Variants in EFCAB5 observed in about 807,000 individuals in gnomAD.
EFCAB5 encodes EF-hand calcium binding domain 5, also known as EF-hand calcium-binding domain-containing protein 5.
In EFCAB5, 131 loss-of-function variants were observed where a neutral mutation model predicts 167.9. The observed-to-expected ratio is 0.78, with a 90% confidence interval of 0.68 to 0.90. The LOEUF (loss-of-function observed/expected upper bound fraction) is 0.90, where lower values mean the gene tolerates loss of function less well. Among genes scored for constraint, EFCAB5 ranks in the 40% least tolerant of loss-of-function variants. The pLI is 0.00. For synonymous variants in EFCAB5, 574 were observed against 602.8 expected (o/e 0.95, Z 0.70); for missense variants, 1,663 against 1,745.2 (o/e 0.95, Z 0.84).
At chr17:29,955,956 A>G in intron 3 of EFCAB5, among the ~76,000 whole-genome samples, 1 of 152,238 alleles carries the variant, frequency 6.6e-6, no homozygotes, top group Middle Eastern at 3.2e-3. Context: ...TGGTACTGGT[A>G]CAAAAGCAGA....
chr17:30,043,428 A>G (rs1257906061), intron 8 of EFCAB5, among the ~76,000 whole-genome samples: 1 of 152,120 alleles, frequency 6.6e-6, no homozygotes, highest in Non-Finnish European at 1.5e-5. Flanking sequence ...AAAAAAGAAA[A>G]CTCTGTATTC....
intron 7 of EFCAB5, among the ~76,000 whole-genome samples, chr17:30,006,981 T>C (rs1273967938): frequency 6.6e-6 from 1 of 152,174 alleles, no homozygotes; most frequent in African/African-American, 2.4e-5. Context: ...TTAGTGTCCA[T>C]GTAAATTTTG....
chr17:30,023,647 T>C (rs1302937736), intron 7 of EFCAB5, among the ~76,000 whole-genome samples: 2 of 151,754 alleles, frequency 1.3e-5, no homozygotes, highest in Non-Finnish European at 2.9e-5. Context: ...TTCCAATCAA[T>C]AGAAAAAGAG....
intron 3 of EFCAB5, among the ~76,000 whole-genome samples, chr17:29,954,253 G>A (rs561525743): frequency 6.6e-6 from 1 of 152,308 alleles, no homozygotes; most frequent in South Asian, 2.1e-4. Flanking sequence ...TGTAGAAAAT[G>A]TCTCTGGGGC....
rs181656894 is a variant in EFCAB5, at chr17:30,010,708, C to T, written c.1044+10732C>T. The stretch of plus-strand genomic sequence containing the variant: ...TTTTTGTAGATTCTGGATGTTAGCC[C>T]TTTGTCAGATGGGTAGATTGCAAAA... On this transcript the variant is annotated intron_variant, in intron 7 of 22. Transcript: ENST00000394835. Among the ~76,000 whole-genome samples the T allele has an allele frequency of 2.8e-3, 419 of 152,220 alleles. 3 individuals carry two copies. Among genetic ancestry groups the T allele is most frequent in the African/African-American group, 7.2e-3 (301 of 41,534 alleles).
intron 7 of EFCAB5, among the ~76,000 whole-genome samples, chr17:30,020,370 CTT>C (rs1388454322): frequency 1.8e-5 from 2 of 111,548 alleles, no homozygotes; most frequent in Admixed American, 9.0e-5. Flanking sequence ...TTTTTTTTTT[CTT>C]TTTTTTTTTT....
At position 30,053,871 on chromosome 17, in the gene EFCAB5, CAG is replaced by C; in HGVS notation, c.1922_1923del (p.Glu641ValfsTer36). On this transcript the variant is annotated frameshift_variant, in exon 10 of 23. Coordinates refer to ENST00000394835, the MANE Select transcript of EFCAB5 (RefSeq NM_198529.4). LOFTEE classifies it high-confidence loss of function. Reference protein sequence around the residue: ...RMSAAEQGSLRESVIEEPYQK... With the variant: ...RMSAAEQGSLXESVIEEPYQK... ...TGTCAGCTGCAGAACAGGGATCACT[CAG>C]AGAGTCAGTAATAGAAGAACCATAC... 6.2e-7 allele frequency: 1 copy of C among 1,613,970 alleles called. No individual in the cohort carries two copies.
chr17:29,992,863 C>T (rs1203360732), intron 4 of EFCAB5, among the ~76,000 whole-genome samples: 1 of 152,186 alleles, frequency 6.6e-6, no homozygotes, highest in Non-Finnish European at 1.5e-5. Context: ...GAGGAACCTC[C>T]CTACCATTTT....
intron 1 of EFCAB5, among the ~76,000 whole-genome samples, chr17:29,935,081 T>G (rs919603528): frequency 2.0e-5 from 3 of 152,142 alleles, no homozygotes; most frequent in African/African-American, 7.2e-5. Flanking sequence ...TCCCTTATAT[T>G]TGAAACAATT....
intron 7 of EFCAB5, among the ~76,000 whole-genome samples, chr17:30,029,218 T>G (rs2069412160): frequency 6.6e-6 from 1 of 152,218 alleles, no homozygotes; most frequent in Non-Finnish European, 1.5e-5. Context: ...TGGGATTACA[T>G]CCTGGTAAAT....
intron 2 of EFCAB5, 133 bp from the exon 3 acceptor site, chr17:29,943,432 C>A: frequency 1.5e-6 from 1 of 659,592 alleles, no homozygotes; most frequent in South Asian, 2.0e-5. Context: ...GCATTAGATC[C>A]CAGAAAAATT....
At chr17:30,052,862 A>G (rs75641606) in intron 9 of EFCAB5, among the ~76,000 whole-genome samples, 2,332 of 152,376 alleles carry the variant, frequency 0.015, 32 homozygotes, top group Middle Eastern at 0.051. Context: ...TGCTTTTTAT[A>G]TTGCAAATAT....
Position 30,101,653 on chromosome 17 carries a change from A to C in EFCAB5, c.4322-6181A>C, listed in dbSNP as rs568252754. Among the ~76,000 whole-genome samples the C allele has an allele frequency of 2.0e-5, 3 of 152,332 alleles. No individual in the cohort carries two copies. In the South Asian group the frequency reaches 6.2e-4, roughly 32 times the overall value. ...AATAGATGATTGGCAAAGAGAGGAA[A>C]GTCTCCTAGGTGGGAAGACTGAGTA... On this transcript the variant is annotated intron_variant, in intron 22 of 22. Coordinates refer to ENST00000394835, the MANE Select transcript of EFCAB5 (RefSeq NM_198529.4).
In EFCAB5 at chr17:29,969,075, G is replaced by C. The variant is rs764517431; in HGVS notation, c.475G>C (p.Glu159Gln). ...KKLPRDNLAK[E>Q]WFNTDSMTLN... Reference sequence around the variant, plus strand: ...ACTCCCTAGGGATAATTTGGCCAAAGAGTGGTTTAATACTGACAGCATGAC... The same window carrying C: ...ACTCCCTAGGGATAATTTGGCCAAACAGTGGTTTAATACTGACAGCATGAC... The change falls in exon 4 of 23, where the codon GAG (glutamate) becomes CAG (glutamine). Residue 159 changes from glutamate (E) to glutamine (Q), a missense_variant. By Grantham distance (29) the Glu-to-Gln change is conservative. Coordinates refer to ENST00000394835, the MANE Select transcript of EFCAB5 (RefSeq NM_198529.4). 6 of 1,612,514 alleles carry C rather than the reference G, an allele frequency of 3.7e-6. No homozygotes were observed. In the East Asian group the frequency reaches 1.3e-4, roughly 36 times the overall value.
intron 4 of EFCAB5, among the ~76,000 whole-genome samples, chr17:29,982,638 A>T (rs2068201244): frequency 6.6e-6 from 1 of 152,210 alleles, no homozygotes; most frequent in South Asian, 2.1e-4. Context: ...GAGTCCATAG[A>T]TCTGTACATG....
rs1321794771 is a variant in EFCAB5, at chr17:30,092,138, G to C, written c.4205G>C (p.Ser1402Thr). 1.2e-6 allele frequency: 2 copies of C among 1,612,846 alleles called. No individual in the cohort carries two copies. The highest frequency in any genetic ancestry group is 2.2e-5 in the South Asian group (2 of 90,972). The change falls in exon 21 of 23, where the codon AGT becomes ACT. Residue 1402 changes from serine to threonine, a missense_variant. Coordinates refer to ENST00000394835, the MANE Select transcript of EFCAB5 (RefSeq NM_198529.4). ...PELEFSSDFG[S>T]WDKCKFYVNK... ...TTGGAATTTTCAAGTGACTTTGGAA[G>C]TTGGGATAAGTGTAAATTTGTAAGT...
intron 19 of EFCAB5, among the ~76,000 whole-genome samples, chr17:30,088,229 C>T (rs1262771039): frequency 6.6e-6 from 1 of 152,078 alleles, no homozygotes; most frequent in Non-Finnish European, 1.5e-5. Context: ...CTCAAGCTAA[C>T]CTCCTGCCTC....
At chr17:29,959,076 C>A (rs1336501097) in intron 3 of EFCAB5, among the ~76,000 whole-genome samples, 1 of 152,214 alleles carries the variant, frequency 6.6e-6, no homozygotes, top group East Asian at 1.9e-4. Flanking sequence ...GCCACCATCA[C>A]TGGGACTGTG....
chr17:30,004,170 G>A (rs2068726101), intron 7 of EFCAB5, among the ~76,000 whole-genome samples: 1 of 152,234 alleles, frequency 6.6e-6, no homozygotes, highest in Non-Finnish European at 1.5e-5. Context: ...CAATGCACAT[G>A]TGGTCCCCCA....
Sources: allele counts gnomAD v4.1 joint callset (sites outside exome capture counted in the v4.1 genomes callset), GRCh38; gene constraint gnomAD v4.1.1; transcripts MANE v1.5; gene names NCBI Gene and HGNC (gene_info 2026-07-23, HGNC 2026-07-21).